Variants in RNLS observed in about 807,000 individuals in gnomAD.
RNLS encodes the protein renalase, FAD dependent amine oxidase, also known as renalase.
Under a neutral mutation model 39.8 loss-of-function variants are expected in RNLS, and 39 were observed. That is an observed-to-expected ratio of 0.98 (90% CI 0.76 to 1.28). The LOEUF (loss-of-function observed/expected upper bound fraction) is 1.28. RNLS is among the 50% of genes most tolerant of loss of function. The pLI, the probability that RNLS is intolerant of heterozygous loss-of-function variation, is 0.00. For missense variants in RNLS, 410 were observed against 413.3 expected (o/e 0.99, Z 0.07); for synonymous variants, 147 against 150.7 (o/e 0.98, Z 0.18).
the RNLS span, among the ~76,000 whole-genome samples, chr10:88,195,389 T>TA: frequency 6.6e-6 from 1 of 152,128 alleles, no homozygotes; most frequent in Non-Finnish European, 1.5e-5. Flanking sequence ...GGATAGACAA[T>TA]ACTGCTTTTT....
intron 4 of RNLS, among the ~76,000 whole-genome samples, chr10:88,455,837 A>G (rs1236906830): frequency 6.6e-6 from 1 of 152,216 alleles, no homozygotes; most frequent in Non-Finnish European, 1.5e-5. Flanking sequence ...ACAAAACAAA[A>G]CAAAACAAAA....
intron 4 of RNLS, among the ~76,000 whole-genome samples, chr10:88,392,652 A>T (rs910582890): frequency 6.6e-6 from 1 of 152,232 alleles, no homozygotes; most frequent in African/African-American, 2.4e-5. Flanking sequence ...CACCAACTAC[A>T]AACAGCAACT....
chr10:88,466,319 A>T (rs1052265571), intron 4 of RNLS, among the ~76,000 whole-genome samples: 3 of 152,136 alleles, frequency 2.0e-5, no homozygotes, highest in African/African-American at 7.2e-5. Context: ...ATAATAGCTC[A>T]CACCTGCAAT....
At chr10:88,540,529 T>C (rs1428019263) in intron 4 of RNLS, among the ~76,000 whole-genome samples, 1 of 152,132 alleles carries the variant, frequency 6.6e-6, no homozygotes, top group African/African-American at 2.4e-5. Flanking sequence ...TGCAAAATAG[T>C]TCTGGAAGAG....
chr10:88,393,319 A>G (rs1675832043), intron 4 of RNLS, among the ~76,000 whole-genome samples: 1 of 152,064 alleles, frequency 6.6e-6, no homozygotes, highest in Non-Finnish European at 1.5e-5. Flanking sequence ...AAATCTCCTC[A>G]AGCTGATAAG....
chr10:88,415,172 C>A (rs1427113203), intron 4 of RNLS, among the ~76,000 whole-genome samples: 1 of 152,172 alleles, frequency 6.6e-6, no homozygotes, highest in African/African-American at 2.4e-5. Flanking sequence ...AGCATATGGG[C>A]AAATGAACCT....
chr10:88,570,091 C>A (rs1849738033), intron 4 of RNLS, among the ~76,000 whole-genome samples: 1 of 152,070 alleles, frequency 6.6e-6, no homozygotes, highest in African/African-American at 2.4e-5. Context: ...CCAAATAATT[C>A]TATGAGGCCT....
At chr10:88,563,148 C>T (rs1413711248) in intron 4 of RNLS, among the ~76,000 whole-genome samples, 2 of 152,034 alleles carry the variant, frequency 1.3e-5, no homozygotes, top group African/African-American at 4.8e-5. Flanking sequence ...TAAACTAATG[C>T]AGTGTAATTG....
chr10:88,231,214 T>G, the RNLS span, among the ~76,000 whole-genome samples: 6 of 152,260 alleles, frequency 3.9e-5, no homozygotes, highest in Non-Finnish European at 7.3e-5. Flanking sequence ...TAAGGTTAAA[T>G]GAGGTCATTA....
At chr10:88,439,386 C>T (rs1841586457) in intron 4 of RNLS, among the ~76,000 whole-genome samples, 1 of 152,176 alleles carries the variant, frequency 6.6e-6, no homozygotes, top group African/African-American at 2.4e-5. Context: ...AAATGTCTTC[C>T]TGTTTTCCTC....
the RNLS span, among the ~76,000 whole-genome samples, chr10:88,235,089 G>A: frequency 1.3e-5 from 2 of 151,834 alleles, no homozygotes; most frequent in South Asian, 2.1e-4. Context: ...GTGAAACCCC[G>A]TCTCTACTAA....
Position 88,460,033 on chromosome 10 carries a change from A to G in RNLS, c.527-97308T>C, listed in dbSNP as rs150211442. 2.6e-5 allele frequency among the ~76,000 whole-genome samples: 4 copies of G among 152,310 alleles called. No individual in the cohort carries two copies. The East Asian group carries it at 7.7e-4, about 29-fold the overall frequency. On this transcript the variant is annotated intron_variant, in intron 4 of 6. Coordinates refer to ENST00000331772, the MANE Select transcript of RNLS (RefSeq NM_001031709.3). ...GATGAAGCATTTTTTTGAGTTCAGC[A>G]TGGTGTTAAGCAGTTTATTAGTTTA...
At chr10:88,377,493 A>G (rs1193548786) in intron 4 of RNLS, among the ~76,000 whole-genome samples, 1 of 152,164 alleles carries the variant, frequency 6.6e-6, no homozygotes, top group Non-Finnish European at 1.5e-5. Flanking sequence ...TACCTAGGCT[A>G]TATGGTCTAG....
At chr10:88,435,400 T>G (rs924117466) in intron 4 of RNLS, among the ~76,000 whole-genome samples, 2 of 148,530 alleles carry the variant, frequency 1.3e-5, no homozygotes, top group African/African-American at 4.9e-5. Flanking sequence ...TTCCAAAAGC[T>G]AAGAGACAGA....
the RNLS span, among the ~76,000 whole-genome samples, chr10:88,241,633 C>G: frequency 6.6e-6 from 1 of 152,146 alleles, no homozygotes; most frequent in Non-Finnish European, 1.5e-5. Context: ...CTTGACACCA[C>G]CACAAGAGTA....
chr10:88,514,882 T>C (rs1305027927), intron 4 of RNLS, among the ~76,000 whole-genome samples: 2 of 152,186 alleles, frequency 1.3e-5, no homozygotes, highest in South Asian at 2.1e-4. Flanking sequence ...TCAGGGTGTT[T>C]TGGGATATAT....
the RNLS span, among the ~76,000 whole-genome samples, chr10:88,175,165 T>C: frequency 6.6e-6 from 1 of 152,146 alleles, no homozygotes; most frequent in Non-Finnish European, 1.5e-5. Context: ...CTAGTCTAGC[T>C]AGTGGTTTGT....
intron 4 of RNLS, among the ~76,000 whole-genome samples, chr10:88,365,409 GAACA>G (rs1849989654): frequency 6.6e-6 from 1 of 151,036 alleles, no homozygotes; most frequent in Non-Finnish European, 1.5e-5. Flanking sequence ...TTTTCAAATA[GAACA>G]AACGACCACA....
intron 4 of RNLS, among the ~76,000 whole-genome samples, chr10:88,417,489 A>C (rs1385577757): frequency 6.6e-6 from 1 of 152,228 alleles, no homozygotes. Context: ...AAACAGCTGT[A>C]AACAGTCTAC....
Sources: gnomAD v4.1 joint callset for allele counts (sites outside exome capture counted in the v4.1 genomes callset) on GRCh38, gnomAD v4.1.1 for gene constraint, MANE v1.5 for transcripts, NCBI Gene and HGNC (gene_info 2026-07-23, HGNC 2026-07-21) for gene names.